RPA2: variants seen among roughly 807,000 people sequenced by gnomAD.
RPA2 encodes the protein replication protein A 32 kDa subunit.
Under a neutral mutation model 33.4 loss-of-function variants are expected in RPA2, and 22 were observed. The ratio of observed to expected loss-of-function variants is 0.66; its 90% CI spans 0.47 to 0.94. The LOEUF is 0.94. Among genes scored for constraint, RPA2 ranks in the 40% least tolerant of loss-of-function variants. RPA2 has a pLI of 0.00. For missense variants in RPA2, 279 were observed against 329.9 expected, an observed-to-expected ratio of 0.85 and a Z score of 1.19; for synonymous variants, 109 against 114.9, an observed-to-expected ratio of 0.95 and a Z score of 0.33.
At chr1:27,897,267 G>C (rs1293353481) in intron 5 of RPA2, 146 bp from the exon 6 acceptor site, 2 of 587,048 alleles carry the variant, frequency 3.4e-6, no homozygotes, top group Non-Finnish European at 5.9e-6. Context: ...TTCCAAATAT[G>C]GTCAAACATG....
intron 4 of RPA2, among the ~76,000 whole-genome samples, chr1:27,901,080 A>G (rs1368930069): frequency 1.3e-5 from 2 of 152,238 alleles, no homozygotes; most frequent in Non-Finnish European, 2.9e-5. Flanking sequence ...AGGGTTTGAG[A>G]TTGAATCCAA....
chr1:27,914,145 G>T lies in RPA2; in HGVS notation c.35C>A (p.Ser12Tyr), dbSNP rs776471331. The T allele has an allele frequency of 1.2e-6, 2 of 1,613,702 alleles. No individual in the cohort carries two copies. Among genetic ancestry groups the T allele is most frequent in the Admixed American group, 3.3e-5 (2 of 59,956 alleles). The change falls in exon 2 of 9, where the codon TCC becomes TAC. Residue 12 changes from serine (S) to tyrosine (Y), a missense_variant. Physicochemically the swap from Ser to Tyr is moderately radical, Grantham distance 144. Around this residue, in one of 2 missense-constraint regions of RPA2, gnomAD observed 274 missense variants for 310.3 expected, o/e 0.88. Transcript: ENST00000373912. Reference sequence around the variant, plus strand: ...GTAGCCGCCGGCTCCCCCGTATGAGGAGCTGCCATAGCTTTCGAATCCACC... The same window carrying T: ...GTAGCCGCCGGCTCCCCCGTATGAGTAGCTGCCATAGCTTTCGAATCCACC... Reference protein sequence around the residue: ...WNSGFESYGSSSYGGAGGYTQ... With the variant: ...WNSGFESYGSYSYGGAGGYTQ...
At chr1:27,905,835 G>C (rs1407484381) in intron 4 of RPA2, among the ~76,000 whole-genome samples, 7 of 151,788 alleles carry the variant, frequency 4.6e-5, no homozygotes, top group Non-Finnish European at 8.8e-5. Context: ...TACCGTGTTA[G>C]CCAGGATGGT....
At chr1:27,897,528 T>C (rs2089908262) in intron 5 of RPA2, 105 bp downstream of exon 5, 2 of 706,530 alleles carry the variant, frequency 2.8e-6, no homozygotes, top group African/African-American at 3.7e-5. Context: ...TAACTTCCCA[T>C]TAAACAGGGA....
chr1:27,897,649 T>C lies in RPA2; in HGVS notation c.392A>G (p.His131Arg). The change falls in exon 5 of 9, where the codon CAC becomes CGC. Residue 131 changes from histidine (H) to arginine (R), a missense_variant. This residue lies in a region of RPA2 where 274 missense variants were observed against 310.3 expected (regional missense o/e 0.88). Transcript: ENST00000373912. ...TGACTTTACCTGAAAAGATCTCAGG[T>C]GGCCTGCCACTTTCACATATGTTTC... is the stretch of plus-strand genomic sequence containing the variant. The part of the protein sequence containing the change: ...PPETYVKVAG[H>R]LRSFQNKKSL... The C allele has an allele frequency of 6.2e-7, 1 of 1,602,626 alleles. No individual in the cohort carries two copies. Among genetic ancestry groups the C allele is most frequent in the Non-Finnish European group, 8.5e-7 (1 of 1,174,776 alleles).
At position 27,907,039 on chromosome 1, in the gene RPA2, G is replaced by T; in HGVS notation, c.222C>A (p.Val74=). The change falls in exon 4 of 9, where the codon GTC becomes GTA. Residue 74 remains valine, a splice_region_variant and synonymous_variant. Transcript: ENST00000373912. ...FRIGNVEISQ[V]TIVGIIRHAE... is the part of the protein sequence containing the mutation. The stretch of plus-strand genomic sequence containing the variant: ...CATGTCTGATGATCCCCACAATAGT[G>T]ACCTAGGTTAGAAGAAACAAAGAAA... The T allele has an allele frequency of 6.3e-7, 1 of 1,598,182 alleles. No individual in the cohort carries two copies.
chr1:27,894,468 C>G (rs2089865493), intron 6 of RPA2, 71 bp from the exon 7 acceptor site: 1 of 1,302,676 alleles, frequency 7.7e-7, no homozygotes, highest in Non-Finnish European at 1.1e-6. Context: ...CTTAAAATAG[C>G]TCGTTAAGCA....
Position 27,909,751 on chromosome 1 carries a change from G to A in RPA2, c.118-2469C>T, listed in dbSNP as rs931045459. Among the ~76,000 whole-genome samples the A allele has an allele frequency of 2.6e-4, 40 of 151,604 alleles. 1 individual carries two copies. The highest frequency in any genetic ancestry group is 7.4e-5 in the Non-Finnish European group (5 of 67,950). On this transcript the variant is annotated intron_variant, in intron 2 of 8. Coordinates refer to ENST00000373912, the MANE Select transcript of RPA2 (RefSeq NM_002946.5). ...AAAGAGCGGTCGCTCTTGGTCACAT[G>A]TATTAACTCATTTGTACCTCGGTTT...
In RPA2 at chr1:27,897,241, T is replaced by C. The variant is rs572497520; in HGVS notation, c.409-120A>G. On this transcript the variant is annotated intron_variant, in intron 5 of 8. Coordinates refer to ENST00000373912, the MANE Select transcript of RPA2 (RefSeq NM_002946.5). ...TTTCACCAATATGAGAAAAATGTTA[T>C]ATACTCTCAGAGGTATTCCAAATAT... 4.1e-5 allele frequency: 29 copies of C among 699,742 alleles called. No individual in the cohort carries two copies. The South Asian group carries it at 5.2e-4, about 13-fold the overall frequency. 43.3% of individuals were successfully genotyped at this position (699,742 alleles called of 1,614,324 possible).
intron 2 of RPA2, among the ~76,000 whole-genome samples, chr1:27,910,920 TAA>T (rs2090088422): frequency 6.6e-6 from 1 of 151,992 alleles, no homozygotes; most frequent in African/African-American, 2.4e-5. Flanking sequence ...ATACTAGATT[TAA>T]AAACAAAACA....
chr1:27,892,045 T>G lies in RPA2; in HGVS notation c.*118A>C. On this transcript the variant is annotated 3_prime_UTR_variant, in exon 9 of 9. Coordinates refer to ENST00000373912, the MANE Select transcript of RPA2 (RefSeq NM_002946.5). ...TTCAAAAGGAAGTCAGAGGAGACAT[T>G]TGATAGATGAAACCTACTTCCTAGA... The G allele has an allele frequency of 1.4e-6, 1 of 696,194 alleles. No individual in the cohort carries two copies. Among genetic ancestry groups the G allele is most frequent in the Non-Finnish European group, 2.5e-6 (1 of 405,564 alleles). 43.1% of individuals were successfully genotyped at this position (696,194 alleles called of 1,614,324 possible).
intron 2 of RPA2, among the ~76,000 whole-genome samples, chr1:27,909,931 C>T (rs2090077478): frequency 6.6e-6 from 1 of 152,152 alleles, no homozygotes; most frequent in African/African-American, 2.4e-5. Context: ...TTAATAACAA[C>T]GTTGACAGGA....
chr1:27,907,300 G>T lies in RPA2; in HGVS notation c.118-18C>A. 1 of 1,583,016 alleles carries T rather than the reference G, an allele frequency of 6.3e-7. No homozygotes were observed. Among genetic ancestry groups the T allele is most frequent in the Non-Finnish European group, 8.6e-7 (1 of 1,164,016 alleles). ...CGGGCTCTCTGAAAAGAAAAAACAT[G>T]CAAAATTCAATTAAGAAAGTAATAA... On this transcript the variant is annotated intron_variant, in intron 2 of 8. Coordinates refer to ENST00000373912, the MANE Select transcript of RPA2 (RefSeq NM_002946.5).
chr1:27,905,915 C>CAGCGCCCGGCGTTAGGTCA (rs2090022632), intron 4 of RPA2, among the ~76,000 whole-genome samples: 1 of 152,186 alleles, frequency 6.6e-6, no homozygotes, highest in African/African-American at 2.4e-5. Context: ...GCGTGAGCCA[C>CAGCGCCCGGCGTTAGGTCA]CATGCCAAGC....
chr1:27,907,677 T>C (rs763165904), intron 2 of RPA2, among the ~76,000 whole-genome samples: 21 of 152,052 alleles, frequency 1.4e-4, no homozygotes, highest in Admixed American at 3.9e-4. Flanking sequence ...TGAGATGGTA[T>C]TGGGAAAAGG....
At chr1:27,893,331 A>G (rs957544244) in intron 8 of RPA2, among the ~76,000 whole-genome samples, 22 of 152,118 alleles carry the variant, frequency 1.4e-4, no homozygotes, top group African/African-American at 4.8e-4. Context: ...TGTGTGTGAC[A>G]GTCTCACTCT....
intron 5 of RPA2, among the ~76,000 whole-genome samples, chr1:27,897,366 C>T (rs1013706666): frequency 2.6e-5 from 4 of 151,856 alleles, no homozygotes; most frequent in Admixed American, 6.6e-5. Context: ...CTCCTGACTC[C>T]GAATCTAGTG....
chr1:27,906,886 G>T, intron 4 of RPA2, 42 bp downstream of exon 4: 2 of 1,417,158 alleles, frequency 1.4e-6, no homozygotes, highest in Non-Finnish European at 2.0e-6. Flanking sequence ...CATCTCCACA[G>T]TTCCAAAGTA....
At chr1:27,897,936 A>G (rs1008453150) in intron 4 of RPA2, among the ~76,000 whole-genome samples, 6 of 152,258 alleles carry the variant, frequency 3.9e-5, no homozygotes, top group Non-Finnish European at 8.8e-5. Context: ...TCTGTAGCAC[A>G]TCATAAAAAA....
Sources: allele counts gnomAD v4.1 joint callset (sites outside exome capture counted in the v4.1 genomes callset), GRCh38; gene constraint gnomAD v4.1.1; regional missense constraint gnomAD v4.1.1; transcripts MANE v1.5; gene names NCBI Gene and HGNC (gene_info 2026-07-23, HGNC 2026-07-21).